SMAP1: variants seen among roughly 807,000 people sequenced by gnomAD.
SMAP1 encodes stromal membrane-associated protein 1.
In SMAP1, 24 loss-of-function variants were observed where a neutral mutation model predicts 58.5. The observed-to-expected ratio is 0.41, with a 90% CI of 0.30 to 0.58. The LOEUF (loss-of-function observed/expected upper bound fraction) is 0.58. Ranked by LOEUF, SMAP1 falls within the 20% of genes least tolerant of loss-of-function variation. The pLI is 0.29. For missense variants in SMAP1, 563 were observed against 566.3 expected (o/e 0.99, Z 0.06); for synonymous variants, 216 against 196.6 (o/e 1.10, Z -0.82).
intron 1 of SMAP1, among the ~76,000 whole-genome samples, chr6:70,716,340 T>TGGATC (rs1277838968): frequency 6.6e-6 from 1 of 152,214 alleles, no homozygotes; most frequent in Admixed American, 6.5e-5. Context: ...GCATGTGCCC[T>TGGATC]GGATCCCTTG....
chr6:70,778,566 TC>T (rs1376025210), intron 4 of SMAP1, among the ~76,000 whole-genome samples: 1 of 152,208 alleles, frequency 6.6e-6, no homozygotes, highest in Non-Finnish European at 1.5e-5. Context: ...TCCCAGTTGA[TC>T]ATGAGCAGAT....
chr6:70,754,949 G>A (rs753697240), intron 2 of SMAP1, 31 bp from the exon 3 acceptor site: 7 of 1,421,246 alleles, frequency 4.9e-6, no homozygotes, highest in Non-Finnish European at 6.9e-6. Flanking sequence ...TAATGTTTAT[G>A]TGAGTAATTA....
At chr6:70,738,499 C>A (rs1263755179) in intron 2 of SMAP1, among the ~76,000 whole-genome samples, 1 of 150,336 alleles carries the variant, frequency 6.7e-6, no homozygotes, top group Non-Finnish European at 1.5e-5. Context: ...TCTATTGTAA[C>A]CTAGTTATTC....
At chr6:70,815,034 A>C (rs1274223829) in intron 6 of SMAP1, among the ~76,000 whole-genome samples, 1 of 152,156 alleles carries the variant, frequency 6.6e-6, no homozygotes, top group Non-Finnish European at 1.5e-5. Context: ...CCAGCTTTTA[A>C]TGACAAAGAT....
intron 1 of SMAP1, among the ~76,000 whole-genome samples, chr6:70,697,309 C>CTTT (rs1225213485): frequency 7.0e-6 from 1 of 142,540 alleles, no homozygotes; most frequent in African/African-American, 2.6e-5. Context: ...TCCTTTATTC[C>CTTT]TTTTTTTTTT....
chr6:70,810,477 C>T (rs1769338686), intron 6 of SMAP1, among the ~76,000 whole-genome samples: 1 of 152,140 alleles, frequency 6.6e-6, no homozygotes, highest in South Asian at 2.1e-4. Context: ...TAATTGTTTC[C>T]CATGGAAATA....
intron 7 of SMAP1, among the ~76,000 whole-genome samples, chr6:70,843,373 A>G (rs1770873433): frequency 6.6e-6 from 1 of 152,184 alleles, no homozygotes; most frequent in Non-Finnish European, 1.5e-5. Flanking sequence ...AGATACTGCT[A>G]ACTAGATGCC....
intron 1 of SMAP1, among the ~76,000 whole-genome samples, chr6:70,710,466 C>A (rs990913267): frequency 1.2e-4 from 16 of 137,176 alleles, no homozygotes; most frequent in African/African-American, 4.4e-4. Context: ...CACACTCCAG[C>A]CTGGTGACAG....
intron 8 of SMAP1, 120 bp downstream of exon 8, chr6:70,852,784 T>C: frequency 8.3e-7 from 1 of 1,204,448 alleles, no homozygotes. Flanking sequence ...TCTCCTGTTC[T>C]TTAGGCTAGA....
chr6:70,778,906 A>G (rs558661600), intron 4 of SMAP1, among the ~76,000 whole-genome samples: 1 of 152,290 alleles, frequency 6.6e-6, no homozygotes, highest in East Asian at 1.9e-4. Flanking sequence ...GATAGGGACA[A>G]GCCATTCCTC....
chr6:70,825,013 T>C (rs994806999), intron 6 of SMAP1, among the ~76,000 whole-genome samples: 8 of 152,186 alleles, frequency 5.3e-5, no homozygotes, highest in African/African-American at 1.7e-4. Flanking sequence ...CACCCTGTCA[T>C]AGAGCTAATA....
intron 5 of SMAP1, among the ~76,000 whole-genome samples, chr6:70,795,869 C>G (rs1487484191): frequency 6.6e-6 from 1 of 151,944 alleles, no homozygotes; most frequent in Admixed American, 6.6e-5. Flanking sequence ...TCCCAAGTAG[C>G]TGGGATTACA....
intron 6 of SMAP1, among the ~76,000 whole-genome samples, chr6:70,833,712 C>T (rs190209927): frequency 1.4e-4 from 22 of 152,256 alleles, no homozygotes; most frequent in East Asian, 1.3e-3. Context: ...TGCAAATGTG[C>T]AAAACAACAA....
intron 2 of SMAP1, among the ~76,000 whole-genome samples, chr6:70,740,893 G>A (rs1562126566): frequency 1.3e-5 from 2 of 152,166 alleles, no homozygotes; most frequent in Non-Finnish European, 1.5e-5. Flanking sequence ...ATCTTACATT[G>A]CAGCAGACAA....
rs867818231 is a variant in SMAP1, at chr6:70,799,160, A to G, written c.576+423A>G. ...AAGGTGGAAAACGGGTACATGTTTAAGAGAACAGCCTGAAGAATGTATGAA... is the reference window on the plus strand; with the variant it reads ...AAGGTGGAAAACGGGTACATGTTTAGGAGAACAGCCTGAAGAATGTATGAA... On this transcript the variant is annotated intron_variant, in intron 6 of 10. Transcript: ENST00000370455. Among the ~76,000 whole-genome samples, 11 of 152,318 alleles carry G rather than the reference A, an allele frequency of 7.2e-5. No homozygotes were observed. The Middle Eastern group carries it at 0.01, about 141-fold the overall frequency.
At chr6:70,800,432 A>G (rs762298138) in intron 6 of SMAP1, among the ~76,000 whole-genome samples, 47 of 152,250 alleles carry the variant, frequency 3.1e-4, no homozygotes, top group Non-Finnish European at 4.9e-4. Context: ...TACATAATGT[A>G]TGGGAGATAC....
At chr6:70,750,601 A>G (rs1296278533) in intron 2 of SMAP1, among the ~76,000 whole-genome samples, 1 of 152,216 alleles carries the variant, frequency 6.6e-6, no homozygotes, top group African/African-American at 2.4e-5. Flanking sequence ...GTTGGGCAGT[A>G]GATGAATTTC....
intron 8 of SMAP1, among the ~76,000 whole-genome samples, chr6:70,854,496 C>T (rs139102514): frequency 5.0e-4 from 76 of 152,190 alleles, no homozygotes; most frequent in African/African-American, 1.5e-3. Context: ...GTGGCGTGCG[C>T]CTGTAATCCC....
At chr6:70,719,705 A>C (rs777979531) in intron 1 of SMAP1, among the ~76,000 whole-genome samples, 29 of 152,286 alleles carry the variant, frequency 1.9e-4, no homozygotes, top group Admixed American at 2.0e-4. Flanking sequence ...GGCAAAAGGC[A>C]CTTCTTACAT....
Sources: allele counts gnomAD v4.1 joint callset (sites outside exome capture counted in the v4.1 genomes callset), GRCh38; gene constraint gnomAD v4.1.1; transcripts MANE v1.5; gene names NCBI Gene and HGNC (gene_info 2026-07-23, HGNC 2026-07-21).